ADAMTS20: variants seen among roughly 807,000 people sequenced by gnomAD.
ADAMTS20 encodes A disintegrin and metalloproteinase with thrombospondin motifs 20.
ADAMTS20 carries 225 observed loss-of-function variants against 260.1 expected under a neutral mutation model. The ratio of observed to expected loss-of-function variants is 0.87; its 90% confidence interval spans 0.78 to 0.97. The LOEUF is 0.97. Among genes scored for constraint, ADAMTS20 ranks in the 50% least tolerant of loss-of-function variants. The probability of loss-of-function intolerance (pLI) is 0.00; values close to 1 mark genes in which losing one functional copy is unlikely to be tolerated. For synonymous variants in ADAMTS20, 802 were observed against 769.5 expected (o/e 1.04, Z -0.70); for missense variants, 2,400 against 2,337.7 (o/e 1.03, Z -0.55).
chr12:43,456,949 G>A (rs1255417515), intron 11 of ADAMTS20, among the ~76,000 whole-genome samples: 3 of 152,024 alleles, frequency 2.0e-5, no homozygotes, highest in African/African-American at 7.2e-5. Context: ...CTAGAGACAA[G>A]GAGGCAAAAA....
At chr12:43,416,801 C>G (rs1026787346) in intron 28 of ADAMTS20, among the ~76,000 whole-genome samples, 11 of 152,114 alleles carry the variant, frequency 7.2e-5, no homozygotes, top group African/African-American at 2.7e-4. Context: ...GGATTACAGG[C>G]GTGAGCCACC....
At chr12:43,523,400 C>T (rs939409894) in intron 3 of ADAMTS20, among the ~76,000 whole-genome samples, 9 of 152,008 alleles carry the variant, frequency 5.9e-5, no homozygotes, top group Non-Finnish European at 1.3e-4. Context: ...AAAAAAGCTC[C>T]CAAATGAATT....
Position 43,466,790 on chromosome 12 carries a change from C to A in ADAMTS20, c.1229G>T (p.Gly410Val), listed in dbSNP as rs200141152. 1 of 1,587,588 alleles carries A rather than the reference C, an allele frequency of 6.3e-7. No homozygotes were observed. Among genetic ancestry groups the A allele is most frequent in the Non-Finnish European group, 8.6e-7 (1 of 1,165,384 alleles). The change falls in exon 9 of 39, where the codon GGT (glycine) becomes GTT (valine). Residue 410 changes from glycine (G) to valine (V), a missense_variant. Transcript: ENST00000389420. ...TIAHELGHTL[G>V]VQHDDNPRCK... ...TCTAGGATTATCATCATGTTGAACA[C>A]CAAGTCTAAAAATAAAAATAAACAC... is the stretch of plus-strand genomic sequence containing the variant.
At chr12:43,474,405 A>C (rs369749047) in intron 7 of ADAMTS20, among the ~76,000 whole-genome samples, 10 of 147,468 alleles carry the variant, frequency 6.8e-5, no homozygotes, top group Admixed American at 1.4e-4. Context: ...AATTCTACCA[A>C]AGGTACAAGG....
chr12:43,471,204 C>T (rs556326046), intron 7 of ADAMTS20, among the ~76,000 whole-genome samples: 9 of 152,202 alleles, frequency 5.9e-5, no homozygotes, highest in South Asian at 4.1e-4. Flanking sequence ...GTTCCCTTTC[C>T]GAGTCAAAGA....
chr12:43,525,163 T>C (rs1943125002), intron 3 of ADAMTS20, among the ~76,000 whole-genome samples: 1 of 152,170 alleles, frequency 6.6e-6, no homozygotes, highest in South Asian at 2.1e-4. Flanking sequence ...GGAAATCCTA[T>C]CAGACTAACA....
At chr12:43,378,736 A>AG (rs1940284374) in intron 31 of ADAMTS20, among the ~76,000 whole-genome samples, 1 of 152,232 alleles carries the variant, frequency 6.6e-6, no homozygotes, top group Non-Finnish European at 1.5e-5. Flanking sequence ...CTCATAATGA[A>AG]GAAAAAACCT....
At chr12:43,507,942 C>T (rs1247002951) in intron 3 of ADAMTS20, among the ~76,000 whole-genome samples, 1 of 152,018 alleles carries the variant, frequency 6.6e-6, no homozygotes, top group East Asian at 1.9e-4. Flanking sequence ...ATGATGAGAA[C>T]TCAAGTTCAC....
chr12:43,431,894 C>T (rs1941450625), intron 21 of ADAMTS20, among the ~76,000 whole-genome samples: 1 of 150,692 alleles, frequency 6.6e-6, no homozygotes, highest in Non-Finnish European at 1.5e-5. Context: ...GACAGATTCT[C>T]ACTCTGTCAC....
chr12:43,475,199 GACAA>G (rs1445872024), intron 7 of ADAMTS20, among the ~76,000 whole-genome samples: 1 of 55,068 alleles, frequency 1.8e-5, no homozygotes, highest in East Asian at 6.4e-4. Flanking sequence ...ACCAACAACA[GACAA>G]ACAGAGAGCC....
intron 28 of ADAMTS20, among the ~76,000 whole-genome samples, chr12:43,405,537 T>A (rs1322963230): frequency 6.6e-6 from 1 of 151,446 alleles, no homozygotes; most frequent in Non-Finnish European, 1.5e-5. Flanking sequence ...TTGGGAATGG[T>A]TAAAAATTAT....
intron 19 of ADAMTS20, 78 bp downstream of exon 19, chr12:43,434,167 G>A (rs139068295): frequency 2.7e-4 from 387 of 1,410,566 alleles, no homozygotes; most frequent in Admixed American, 1.3e-3. Flanking sequence ...TGTCCATGCT[G>A]TGTCAGTCAC....
chr12:43,551,967 C>T lies in ADAMTS20; in HGVS notation c.-46G>A. 1 of 1,560,676 alleles carries T rather than the reference C, an allele frequency of 6.4e-7. No homozygotes were observed. Among genetic ancestry groups the T allele is most frequent in the Non-Finnish European group, 8.8e-7 (1 of 1,134,698 alleles). On this transcript the variant is annotated 5_prime_UTR_variant, in exon 1 of 39. Coordinates refer to ENST00000389420, the MANE Select transcript of ADAMTS20 (RefSeq NM_025003.5). The surrounding 1 kb of genome is among the most constrained non-coding windows in gnomAD (Gnocchi z 4.6). ...GATCGGGGAGGCCCACCAGAGCCGC[C>T]GGCAGCCAAGCCGGCTTCCCTCGCG...
At chr12:43,482,136 C>T (rs1314099092) in intron 7 of ADAMTS20, among the ~76,000 whole-genome samples, 2 of 152,222 alleles carry the variant, frequency 1.3e-5, no homozygotes, top group Non-Finnish European at 2.9e-5. Flanking sequence ...AAAGCCATTT[C>T]TGATCCATTC....
intron 16 of ADAMTS20, among the ~76,000 whole-genome samples, chr12:43,441,784 G>A (rs537833603): frequency 2.0e-5 from 3 of 152,204 alleles, no homozygotes; most frequent in South Asian, 2.1e-4. Flanking sequence ...AAACCTCACC[G>A]AAAGCGCACA....
chr12:43,502,957 A>G (rs1029387716), intron 3 of ADAMTS20, among the ~76,000 whole-genome samples: 1 of 152,162 alleles, frequency 6.6e-6, no homozygotes, highest in African/African-American at 2.4e-5. Context: ...TGTTCCTATA[A>G]ATTTTTTAGT....
intron 37 of ADAMTS20, among the ~76,000 whole-genome samples, chr12:43,362,548 T>C (rs927526718): frequency 1.3e-5 from 2 of 152,072 alleles, no homozygotes; most frequent in Non-Finnish European, 2.9e-5. Context: ...ACTTCTAGAA[T>C]GGTGATGTGA....
At position 43,354,283 on chromosome 12, in the gene ADAMTS20, A is replaced by G; in HGVS notation, c.5659T>C (p.Phe1887Leu). 6.3e-7 allele frequency: 1 copy of G among 1,588,720 alleles called. No individual in the cohort carries two copies. Among genetic ancestry groups the G allele is most frequent in the Non-Finnish European group, 8.6e-7 (1 of 1,165,854 alleles). The change falls in exon 39 of 39, where the codon TTC (phenylalanine) becomes CTC (leucine). Residue 1887 changes from phenylalanine to leucine, a missense_variant. Transcript: ENST00000389420. ...IRRSEDGTRF[F>L]GKCGGYCGKC... Reference sequence around the variant, plus strand: ...CCACAGTACCCTCCACATTTGCCGAAAAATCTAGTTCCATCCTGAAAATCG... The same window carrying G: ...CCACAGTACCCTCCACATTTGCCGAGAAATCTAGTTCCATCCTGAAAATCG...
rs1943500782 is a variant in ADAMTS20, at chr12:43,550,795, C to T, written c.453+114G>A. 4 of 1,402,352 alleles carry T rather than the reference C, an allele frequency of 2.9e-6. No homozygotes were observed. The Admixed American group carries it at 1.2e-4, about 40-fold the overall frequency. 86.9% of individuals were successfully genotyped at this position (1,402,352 alleles called of 1,614,324 possible). A position where few individuals can be genotyped will look rare whatever the true frequency, so the allele number is the denominator to read the frequency against. The stretch of plus-strand genomic sequence containing the variant: ...GCTTGGTGTTAATCCTTCTTGTAGC[C>T]CAACCTGAACTCCAGGGTCATCAGC... On this transcript the variant is annotated intron_variant, in intron 2 of 38. Transcript: ENST00000389420.
Sources: allele counts gnomAD v4.1 joint callset (sites outside exome capture counted in the v4.1 genomes callset), GRCh38; gene constraint gnomAD v4.1.1; non-coding constraint Gnocchi (gnomAD v3.1); transcripts MANE v1.5; gene names NCBI Gene and HGNC (gene_info 2026-07-23, HGNC 2026-07-21).